Variants in GLIS3 observed in about 807,000 individuals in gnomAD.
The protein encoded by GLIS3 is GLIS family zinc finger 3.
In GLIS3, 53 loss-of-function variants were observed where a neutral mutation model predicts 78.6. The ratio of observed to expected loss-of-function variants is 0.67; its 90% CI spans 0.54 to 0.85. The LOEUF (loss-of-function observed/expected upper bound fraction) is 0.85. Ranked by LOEUF, GLIS3 falls within the 40% of genes least tolerant of loss-of-function variation. The pLI, the probability that GLIS3 is intolerant of heterozygous loss-of-function variation, is 0.00. For synonymous variants in GLIS3, 684 were observed against 509.9 expected (o/e 1.34, Z -4.60); for missense variants, 1,703 against 1,231.1 (o/e 1.38, Z -5.74).
chr9:4,032,589 T>G (rs1366252098), intron 4 of GLIS3, among the ~76,000 whole-genome samples: 1 of 152,132 alleles, frequency 6.6e-6, no homozygotes, highest in Non-Finnish European at 1.5e-5. Flanking sequence ...CCTAACAAAT[T>G]TGAGTATTTC....
At chr9:4,224,724 T>TC (rs1315210578) in intron 2 of GLIS3, among the ~76,000 whole-genome samples, 1 of 151,400 alleles carries the variant, frequency 6.6e-6, no homozygotes, top group Non-Finnish European at 1.5e-5. Flanking sequence ...TTTTTCTGTT[T>TC]TTTTTTTTTT....
At chr9:4,293,505 T>G (rs1036712165) in intron 1 of GLIS3, among the ~76,000 whole-genome samples, 1 of 152,194 alleles carries the variant, frequency 6.6e-6, no homozygotes, top group Non-Finnish European at 1.5e-5. Context: ...ATTAAAAAGA[T>G]TTTTTGAAAA....
rs114193841 is a variant in GLIS3, at chr9:3,976,754, A to T, written c.1711-39565T>A. Among the ~76,000 whole-genome samples, 392 of 133,042 alleles carry T rather than the reference A, an allele frequency of 2.9e-3. 4 individuals are homozygous for T. Among genetic ancestry groups the T allele is most frequent in the African/African-American group, 0.01 (372 of 35,802 alleles). 87.3% of individuals were successfully genotyped at this position (133,042 alleles called of 152,430 possible). ...CATTCCTTAGTGCCAACACAGTGAC[A>T]AGGTTTCTCTATGGCATGGGAGACA... is the stretch of plus-strand genomic sequence containing the variant. On this transcript the variant is annotated intron_variant, in intron 4 of 10. Coordinates refer to ENST00000381971, the MANE Select transcript of GLIS3 (RefSeq NM_001042413.2).
chr9:4,321,141 C>A (rs941709432), intron 2 of GLIS3, among the ~76,000 whole-genome samples: 1 of 151,580 alleles, frequency 6.6e-6, no homozygotes, highest in African/African-American at 2.4e-5. Flanking sequence ...AATCTCAAGG[C>A]CGGGCGCGGT....
intron 2 of GLIS3, among the ~76,000 whole-genome samples, chr9:4,241,575 CAT>C (rs1156817424): frequency 6.6e-6 from 1 of 152,132 alleles, no homozygotes. Flanking sequence ...TGTATTATCA[CAT>C]ATATCCCCAA....
chr9:4,323,003 T>C (rs867054249), intron 2 of GLIS3, among the ~76,000 whole-genome samples: 12 of 152,212 alleles, frequency 7.9e-5, no homozygotes, highest in African/African-American at 2.9e-4. Context: ...ATGTCCTGAA[T>C]GGTATTGCCT....
chr9:4,218,443 T>A (rs552084593), intron 2 of GLIS3, among the ~76,000 whole-genome samples: 1 of 152,332 alleles, frequency 6.6e-6, no homozygotes. Flanking sequence ...CACACTCGAC[T>A]AATTTTTTGT....
intron 2 of GLIS3, among the ~76,000 whole-genome samples, chr9:4,277,889 A>G (rs1356017470): frequency 1.3e-5 from 2 of 152,174 alleles, no homozygotes; most frequent in African/African-American, 4.8e-5. Context: ...GGGAAATACA[A>G]TATAACCGGG....
intron 6 of GLIS3, among the ~76,000 whole-genome samples, chr9:3,925,817 G>A (rs1013836209): frequency 3.9e-5 from 6 of 152,192 alleles, no homozygotes; most frequent in African/African-American, 1.4e-4. Flanking sequence ...TCTTTATTTA[G>A]AAGTTTGATG....
intron 4 of GLIS3, among the ~76,000 whole-genome samples, chr9:4,110,336 C>T (rs1831109237): frequency 6.6e-6 from 1 of 152,084 alleles, no homozygotes; most frequent in South Asian, 2.1e-4. Context: ...TATATATTTA[C>T]CCAAGCATAT....
At chr9:4,398,519 A>C in the GLIS3 span, among the ~76,000 whole-genome samples, 1 of 151,910 alleles carries the variant, frequency 6.6e-6, no homozygotes, top group African/African-American at 2.4e-5. Flanking sequence ...GGCCTGGAGA[A>C]CATTGCCTCC....
the GLIS3 span, among the ~76,000 whole-genome samples, chr9:4,403,212 A>C: frequency 6.6e-6 from 1 of 152,174 alleles, no homozygotes; most frequent in African/African-American, 2.4e-5. Context: ...TATCTGGTGA[A>C]AATACCCTTC....
At chr9:4,196,460 C>G (rs958894134) in intron 2 of GLIS3, among the ~76,000 whole-genome samples, 3 of 152,232 alleles carry the variant, frequency 2.0e-5, no homozygotes, top group Admixed American at 6.5e-5. Context: ...TGCTGCTCCT[C>G]ACTATTTGGG....
At chr9:4,392,051 C>G in the GLIS3 span, among the ~76,000 whole-genome samples, 1 of 152,094 alleles carries the variant, frequency 6.6e-6, no homozygotes, top group African/African-American at 2.4e-5. Flanking sequence ...ACATTATACA[C>G]CATGGAATAC....
At chr9:4,370,539 C>G in the GLIS3 span, among the ~76,000 whole-genome samples, 1 of 152,094 alleles carries the variant, frequency 6.6e-6, no homozygotes, top group East Asian at 1.9e-4. Flanking sequence ...TGGATTTGAT[C>G]ACACCCTCTT....
intron 7 of GLIS3, among the ~76,000 whole-genome samples, chr9:3,880,627 G>A (rs10973995): frequency 0.15 from 23,535 of 152,160 alleles, 1,934 homozygotes; most frequent in Non-Finnish European, 0.18. Context: ...GATTAAGAAA[G>A]AGAAGCCACA....
chr9:4,449,408 A>G, the GLIS3 span, among the ~76,000 whole-genome samples: 29 of 152,350 alleles, frequency 1.9e-4, 1 homozygote, highest in African/African-American at 7.0e-4. Flanking sequence ...GTTGAACAAA[A>G]GGCAGCAGAA....
chr9:4,321,224 T>C (rs1198724902), intron 2 of GLIS3, among the ~76,000 whole-genome samples: 1 of 143,812 alleles, frequency 7.0e-6, no homozygotes, highest in African/African-American at 2.7e-5. Context: ...ATCGAGACCA[T>C]CCTGGCTAAC....
chr9:4,212,680 G>T (rs1820478519), intron 2 of GLIS3, among the ~76,000 whole-genome samples: 1 of 152,212 alleles, frequency 6.6e-6, no homozygotes, highest in African/African-American at 2.4e-5. Context: ...AAGGAAAAGA[G>T]TTTTCCATGC....
Sources: gnomAD v4.1 joint callset for allele counts (sites outside exome capture counted in the v4.1 genomes callset) on GRCh38, gnomAD v4.1.1 for gene constraint, MANE v1.5 for transcripts, NCBI Gene and HGNC (gene_info 2026-07-23, HGNC 2026-07-21) for gene names.